The following NWD2 variants were observed in gnomAD, a reference collection of about 807,000 sequenced individuals.
The protein encoded by NWD2 is NACHT and WD repeat domain-containing protein 2.
In NWD2, 37 loss-of-function variants were observed where a neutral mutation model predicts 132.7. The ratio of observed to expected loss-of-function variants is 0.28; its 90% CI spans 0.21 to 0.37. The LOEUF (loss-of-function observed/expected upper bound fraction) is 0.37, where lower values mean the gene tolerates loss of function less well. Ranked by LOEUF, NWD2 falls within the 10% of genes least tolerant of loss-of-function variation. The pLI is 1.00. For missense variants in NWD2, 1,592 were observed against 2,122.4 expected, an observed-to-expected ratio of 0.75 and a Z score of 4.91; for synonymous variants, 705 against 803.0, an observed-to-expected ratio of 0.88 and a Z score of 2.06.
intron 1 of NWD2, among the ~76,000 whole-genome samples, chr4:37,261,873 A>T (rs1717644058): frequency 6.6e-6 from 1 of 152,226 alleles, no homozygotes. Flanking sequence ...TTGAACAGAG[A>T]TGCTAACAGT....
chr4:37,344,795 T>G (rs1163004487), intron 2 of NWD2, among the ~76,000 whole-genome samples: 1 of 152,294 alleles, frequency 6.6e-6, no homozygotes, highest in East Asian at 1.9e-4. Context: ...GTGTAATAGT[T>G]AGGAAAATCA....
intron 3 of NWD2, among the ~76,000 whole-genome samples, chr4:37,365,384 AC>A: frequency 6.6e-6 from 1 of 152,306 alleles, no homozygotes; most frequent in Non-Finnish European, 1.5e-5. Context: ...AGTTCTACCA[AC>A]CAAAATGTAT....
chr4:37,361,752 A>G (rs1719986499), intron 3 of NWD2, among the ~76,000 whole-genome samples: 1 of 152,210 alleles, frequency 6.6e-6, no homozygotes, highest in African/African-American at 2.4e-5. Context: ...ATTCCCCTTG[A>G]GGACTGGAAG....
At chr4:37,348,859 G>C (rs1719702952) in intron 2 of NWD2, among the ~76,000 whole-genome samples, 1 of 150,916 alleles carries the variant, frequency 6.6e-6, no homozygotes, top group South Asian at 2.1e-4. Context: ...ACAGGCCCCT[G>C]TGTGTGATGT....
chr4:37,248,696 C>G (rs1019421593), intron 1 of NWD2, among the ~76,000 whole-genome samples: 1 of 152,206 alleles, frequency 6.6e-6, no homozygotes, highest in South Asian at 2.1e-4. Flanking sequence ...AAGGAACCTG[C>G]GAGATTCTCT....
In NWD2 at chr4:37,398,725, A is replaced by AT. The variant is rs954104515; in HGVS notation, c.358-31840dup. On this transcript the variant is annotated intron_variant, in intron 3 of 6. Transcript: ENST00000309447. ...AGTATTCGTGACTAAACAGGGTTAT[A>AT]TTTTTTTAACTCACTATATATAATC... Among the ~76,000 whole-genome samples the AT allele has an allele frequency of 7.9e-5, 12 of 152,304 alleles. 2 individuals carry two copies. Among genetic ancestry groups the AT allele is most frequent in the African/African-American group, 2.9e-4 (12 of 41,560 alleles).
chr4:37,293,911 T>A (rs1330937239), intron 1 of NWD2, among the ~76,000 whole-genome samples: 1 of 150,988 alleles, frequency 6.6e-6, no homozygotes. Context: ...AGATTTGGAC[T>A]TTAAAATTCA....
chr4:37,302,263 C>G (rs546863395), intron 1 of NWD2, among the ~76,000 whole-genome samples: 1 of 152,112 alleles, frequency 6.6e-6, no homozygotes, highest in South Asian at 2.1e-4. Flanking sequence ...CCTCCAGGCT[C>G]ACTCATGTTG....
chr4:37,348,688 A>G (rs1719699000), intron 2 of NWD2, among the ~76,000 whole-genome samples: 2 of 136,390 alleles, frequency 1.5e-5, no homozygotes, highest in South Asian at 4.7e-4. Context: ...ACACACACAC[A>G]CACACACACA....
intron 3 of NWD2, among the ~76,000 whole-genome samples, chr4:37,417,965 A>G (rs1452010441): frequency 6.7e-6 from 1 of 149,838 alleles, no homozygotes; most frequent in Non-Finnish European, 1.5e-5. Context: ...ATGCACATAT[A>G]ATTATTTGCT....
intron 2 of NWD2, among the ~76,000 whole-genome samples, chr4:37,340,225 A>G (rs115465649): frequency 0.023 from 3,485 of 152,280 alleles, 101 homozygotes; most frequent in East Asian, 0.12. Flanking sequence ...TGGGCAGACC[A>G]TGTCACATTT....
chr4:37,330,186 A>C (rs751843363), intron 2 of NWD2, among the ~76,000 whole-genome samples: 1 of 152,174 alleles, frequency 6.6e-6, no homozygotes, highest in Non-Finnish European at 1.5e-5. Context: ...TATTTGATGA[A>C]AATACACTAG....
intron 5 of NWD2, among the ~76,000 whole-genome samples, chr4:37,436,548 G>A (rs982570551): frequency 6.6e-6 from 1 of 152,080 alleles, no homozygotes; most frequent in African/African-American, 2.4e-5. Context: ...ACTTCTGCTT[G>A]ATACATCCTT....
chr4:37,276,265 C>T (rs1718010562), intron 1 of NWD2, among the ~76,000 whole-genome samples: 3 of 152,102 alleles, frequency 2.0e-5, no homozygotes, highest in Admixed American at 6.5e-5. Flanking sequence ...AAAAAACAAA[C>T]AACCCCATCA....
At chr4:37,355,211 C>T (rs1373370872) in intron 2 of NWD2, among the ~76,000 whole-genome samples, 2 of 152,102 alleles carry the variant, frequency 1.3e-5, no homozygotes, top group Non-Finnish European at 2.9e-5. Context: ...CATCTTTCTT[C>T]GTATTGTGTG....
intron 3 of NWD2, among the ~76,000 whole-genome samples, chr4:37,369,477 A>G (rs944418330): frequency 1.3e-5 from 2 of 152,196 alleles, no homozygotes; most frequent in Non-Finnish European, 2.9e-5. Context: ...AAGTGAGAAC[A>G]TGTGGTATTT....
At chr4:37,354,966 T>TTATTA (rs1461537107) in intron 2 of NWD2, among the ~76,000 whole-genome samples, 1 of 152,178 alleles carries the variant, frequency 6.6e-6, no homozygotes, top group African/African-American at 2.4e-5. Flanking sequence ...ATTTATTCAT[T>TTATTA]TATTACTAGA....
intron 2 of NWD2, among the ~76,000 whole-genome samples, chr4:37,354,102 C>T (rs992308027): frequency 6.6e-6 from 1 of 152,190 alleles, no homozygotes; most frequent in Non-Finnish European, 1.5e-5. Flanking sequence ...TCAGGACCCT[C>T]TGCTGCAGGT....
chr4:37,437,273 G>A (rs1374690570), intron 5 of NWD2, among the ~76,000 whole-genome samples: 2 of 152,102 alleles, frequency 1.3e-5, no homozygotes, highest in Admixed American at 6.6e-5. Flanking sequence ...TGGCTGATGA[G>A]GGCCAACTTC....
Sources: allele counts gnomAD v4.1 joint callset (sites outside exome capture counted in the v4.1 genomes callset), GRCh38; gene constraint gnomAD v4.1.1; transcripts MANE v1.5; gene names NCBI Gene and HGNC (gene_info 2026-07-23, HGNC 2026-07-21).